Variants in SLC11A2 observed in about 807,000 individuals in gnomAD.
SLC11A2 encodes the protein solute carrier family 11 member 2, also known as natural resistance-associated macrophage protein 2.
SLC11A2 carries 38 observed loss-of-function variants against 68.0 expected under a neutral mutation model. That is an observed-to-expected ratio of 0.56 (90% confidence interval 0.43 to 0.73). SLC11A2 has a LOEUF of 0.73. Ranked by LOEUF, SLC11A2 falls within the 30% of genes least tolerant of loss-of-function variation. The pLI is 0.00. For synonymous variants in SLC11A2, 242 were observed against 250.6 expected (o/e 0.97, Z 0.32); for missense variants, 517 against 690.5 (o/e 0.75, Z 2.82).
In SLC11A2 at chr12:51,005,397, C is replaced by T. The variant is rs1592380743; in HGVS notation, c.223G>A (p.Gly75Arg). 4 of 1,613,892 alleles carry T rather than the reference C, an allele frequency of 2.5e-6. No individual in the cohort carries two copies. Among genetic ancestry groups the T allele is most frequent in the Non-Finnish European group, 3.4e-6 (4 of 1,179,896 alleles). ...GCAATGCTCATAAGAAAACCTGGTCCGGTGAAAGCCCAGAGTTTACGAAAG... is the reference window on the plus strand; with the variant it reads ...GCAATGCTCATAAGAAAACCTGGTCTGGTGAAAGCCCAGAGTTTACGAAAG... Reference protein sequence around the residue: ...FSFRKLWAFTGPGFLMSIAYL... With the variant: ...FSFRKLWAFTRPGFLMSIAYL... Residue 75 changes from glycine to arginine, a missense_variant, in exon 4 of 16, where the codon GGA becomes AGA. By Grantham distance (125) the Gly-to-Arg change is moderately radical (BLOSUM62 -2). Transcript: ENST00000262052.
intron 5 of SLC11A2, among the ~76,000 whole-genome samples, 188 bp downstream of exon 5, chr12:51,004,600 G>C (rs985755701): frequency 3.3e-5 from 5 of 152,134 alleles, no homozygotes; most frequent in Non-Finnish European, 7.4e-5. Context: ...GTTAGATTTT[G>C]AAAGAGGGGG....
chr12:50,998,342 CAG>C (rs1318320189), intron 8 of SLC11A2, among the ~76,000 whole-genome samples: 1 of 152,128 alleles, frequency 6.6e-6, no homozygotes, highest in Non-Finnish European at 1.5e-5. Flanking sequence ...GCCTACATGA[CAG>C]AGCAACGCTC....
chr12:50,991,151 A>G (rs896733780), intron 14 of SLC11A2, among the ~76,000 whole-genome samples: 3 of 152,246 alleles, frequency 2.0e-5, no homozygotes, highest in African/African-American at 7.2e-5. Flanking sequence ...GGGAAAAGAC[A>G]CCAACAAATA....
Position 50,987,963 on chromosome 12 carries a change from T to G in SLC11A2, c.*362A>C, listed in dbSNP as rs996624195. 7.7e-7 allele frequency: 1 copy of G among 1,292,042 alleles called. No homozygotes were observed. 80.0% of individuals were successfully genotyped at this position (1,292,042 alleles called of 1,614,324 possible). ...ATTCTGTAGTTTGTATAATAAAAAA[T>G]GTATTGCATTTTCCAATTTTTTTTT... On this transcript the variant is annotated 3_prime_UTR_variant, in exon 16 of 16. Coordinates refer to ENST00000262052, the MANE Select transcript of SLC11A2 (RefSeq NM_000617.3).
chr12:50,976,997 G>A (rs1314252727), downstream of SLC11A2, among the ~76,000 whole-genome samples: 1 of 152,044 alleles, frequency 6.6e-6, no homozygotes, highest in African/African-American at 2.4e-5. Flanking sequence ...AATAAAAGAG[G>A]ATACAAACAA....
At chr12:50,957,937 GGTGTGTGTGTGTGTGTGTGTGTGTGTGT>G in the SLC11A2 span, among the ~76,000 whole-genome samples, 3 of 132,504 alleles carry the variant, frequency 2.3e-5, no homozygotes, top group East Asian at 7.1e-4. Flanking sequence ...ATGAATTGGA[GGTGTGTGTGTGTGTGTGTGTGTGTGTGT>G]GTGTGTGTGT....
At chr12:51,025,955 G>T (rs1401324203) in intron 1 of SLC11A2, 2 of 1,000,176 alleles carry the variant, frequency 2.0e-6, no homozygotes, top group African/African-American at 3.5e-5. Flanking sequence ...CCTCTTTCGA[G>T]GCGTCGAAGC....
At chr12:50,968,111 G>A in the SLC11A2 span, among the ~76,000 whole-genome samples, 2 of 151,882 alleles carry the variant, frequency 1.3e-5, no homozygotes, top group Non-Finnish European at 2.9e-5. Context: ...GAAGGAGGAG[G>A]AGGAGGAGGA....
At position 51,024,667 on chromosome 12, in the gene SLC11A2, GA is replaced by G. The variant is rs977953888; in HGVS notation, c.-39+1642del. 5.3e-5 allele frequency: 8 copies of G among 152,332 alleles called. 1 individual carries two copies. The highest frequency in any genetic ancestry group is 2.9e-5 in the Non-Finnish European group (2 of 68,086). 9.4% of individuals were successfully genotyped at this position (152,332 alleles called of 1,614,324 possible). ...ACTCCGTATCAAAAAACGAAAGAAAGAAAGAAAAAGATCCTACTTTGTAGAT... is the reference window on the plus strand; with the variant it reads ...ACTCCGTATCAAAAAACGAAAGAAAGAAGAAAAAGATCCTACTTTGTAGAT... On this transcript the variant is annotated intron_variant, in intron 1 of 15. Transcript: ENST00000262052.
intron 14 of SLC11A2, among the ~76,000 whole-genome samples, chr12:50,991,293 C>T (rs1358227238): frequency 1.3e-5 from 2 of 152,152 alleles, no homozygotes; most frequent in African/African-American, 2.4e-5. Flanking sequence ...ATAAAAGGTA[C>T]TAACTTATGC....
chr12:51,026,517 G>C, upstream of SLC11A2: 1 of 441,070 alleles, frequency 2.3e-6, no homozygotes, highest in South Asian at 1.9e-5. Context: ...CGCGGAGTCT[G>C]GATGCGGCGG....
At chr12:50,999,677 T>G in intron 6 of SLC11A2, 1 of 482,528 alleles carries the variant, frequency 2.1e-6, no homozygotes, top group Non-Finnish European at 3.8e-6. Flanking sequence ...CTCATGGAGT[T>G]AGACAGATAG....
chr12:51,026,676 T>C (rs1204427765), upstream of SLC11A2, among the ~76,000 whole-genome samples: 2 of 152,014 alleles, frequency 1.3e-5, no homozygotes, highest in African/African-American at 4.8e-5. Context: ...CCTGCCCTAG[T>C]TCGCCGTGGC....
At chr12:50,993,061 T>C in intron 11 of SLC11A2, 132 bp from the exon 12 acceptor site, 1 of 1,025,316 alleles carries the variant, frequency 9.8e-7, no homozygotes, top group East Asian at 2.6e-5. Flanking sequence ...TGCTGCGCAC[T>C]GTGCCAGAAG....
downstream of SLC11A2, among the ~76,000 whole-genome samples, chr12:50,982,788 A>G (rs1940158561): frequency 6.6e-6 from 1 of 151,696 alleles, no homozygotes; most frequent in Admixed American, 6.6e-5. Flanking sequence ...TAAAAATACA[A>G]AAATTAGCGG....
At chr12:50,976,041 A>G (rs866696649), downstream of SLC11A2, among the ~76,000 whole-genome samples, 1 of 152,260 alleles carries the variant, frequency 6.6e-6, no homozygotes, top group African/African-American at 2.4e-5. Context: ...AGACGGATTC[A>G]CAGCCGAATT....
the SLC11A2 span, among the ~76,000 whole-genome samples, chr12:50,971,175 G>A: frequency 7.4e-5 from 11 of 148,730 alleles, no homozygotes; most frequent in Non-Finnish European, 9.1e-5. Flanking sequence ...CCACGGCGCC[G>A]AGCCACAGAC....
chr12:50,962,134 C>A, the SLC11A2 span, among the ~76,000 whole-genome samples: 1 of 152,134 alleles, frequency 6.6e-6, no homozygotes, highest in East Asian at 1.9e-4. Flanking sequence ...ACCTGTGATC[C>A]CACCACTTTG....
chr12:50,956,100 A>G, the SLC11A2 span, among the ~76,000 whole-genome samples: 1 of 152,324 alleles, frequency 6.6e-6, no homozygotes, highest in African/African-American at 2.4e-5. Flanking sequence ...AATAATGATA[A>G]AATTTGGTAG....
Sources: allele counts gnomAD v4.1 joint callset (sites outside exome capture counted in the v4.1 genomes callset), GRCh38; gene constraint gnomAD v4.1.1; transcripts MANE v1.5; gene names NCBI Gene and HGNC (gene_info 2026-07-23, HGNC 2026-07-21).